Variants in RANBP17 observed in about 807,000 individuals in gnomAD.
RANBP17 encodes ran-binding protein 17.
Under a neutral mutation model 141.2 loss-of-function variants are expected in RANBP17, and 158 were observed. That is an observed-to-expected ratio of 1.12 (90% CI 0.98 to 1.28). RANBP17 has a LOEUF of 1.28. Among genes scored for constraint, RANBP17 ranks in the 50% most tolerant of loss-of-function variants. The probability of loss-of-function intolerance (pLI) is 0.00; values close to 1 mark genes in which losing one functional copy is unlikely to be tolerated. For synonymous variants in RANBP17, 430 were observed against 450.0 expected, an observed-to-expected ratio of 0.96 and a Z score of 0.56; for missense variants, 1,438 against 1,290.7, an observed-to-expected ratio of 1.11 and a Z score of -1.75.
chr5:171,270,572 T>G (rs139814028), intron 25 of RANBP17, among the ~76,000 whole-genome samples: 1 of 152,112 alleles, frequency 6.6e-6, no homozygotes, highest in African/African-American at 2.4e-5. Context: ...TATGTGAAAT[T>G]TTTTCAGTTT....
chr5:171,110,534 C>G (rs987153994), intron 14 of RANBP17, among the ~76,000 whole-genome samples: 1 of 152,132 alleles, frequency 6.6e-6, no homozygotes, highest in Non-Finnish European at 1.5e-5. Context: ...ACTTTTCCCT[C>G]TACTCCTTCT....
chr5:171,026,382 C>T (rs1034354884), intron 14 of RANBP17, among the ~76,000 whole-genome samples: 2 of 152,164 alleles, frequency 1.3e-5, no homozygotes. Context: ...CCTAATTGAT[C>T]TTTCTCTATA....
intron 14 of RANBP17, among the ~76,000 whole-genome samples, chr5:171,088,075 T>C (rs1785835390): frequency 6.6e-6 from 1 of 151,960 alleles, no homozygotes; most frequent in Non-Finnish European, 1.5e-5. Flanking sequence ...GTCTTGACAT[T>C]TTGGCATGAT....
intron 14 of RANBP17, among the ~76,000 whole-genome samples, chr5:171,157,506 C>G (rs1758990802): frequency 6.6e-6 from 1 of 152,162 alleles, no homozygotes; most frequent in Non-Finnish European, 1.5e-5. Context: ...CAGTGATGAA[C>G]ATTGAAACTT....
At chr5:171,174,629 T>G (rs1377959963) in intron 16 of RANBP17, among the ~76,000 whole-genome samples, 2 of 152,284 alleles carry the variant, frequency 1.3e-5, no homozygotes, top group East Asian at 3.9e-4. Context: ...TACTCAAATT[T>G]GTAGCAGTTA....
intron 14 of RANBP17, among the ~76,000 whole-genome samples, chr5:171,074,221 C>A (rs1784784853): frequency 1.3e-5 from 2 of 152,096 alleles, no homozygotes; most frequent in African/African-American, 4.8e-5. Context: ...CCCACAATCC[C>A]AGCCTGATCA....
chr5:171,101,362 T>C (rs1050998689), intron 14 of RANBP17, among the ~76,000 whole-genome samples: 1 of 152,252 alleles, frequency 6.6e-6, no homozygotes, highest in South Asian at 2.1e-4. Flanking sequence ...TGCACTTCTT[T>C]GTCTTTGTTG....
At chr5:171,171,178 ATAAT>A in intron 15 of RANBP17, 24 bp from the exon 16 acceptor site, 1 of 1,271,970 alleles carries the variant, frequency 7.9e-7, no homozygotes, top group Non-Finnish European at 1.1e-6. Context: ...TATCTTACTT[ATAAT>A]TAAAGACTTT....
chr5:171,130,524 CCT>C (rs1756836428), intron 14 of RANBP17, among the ~76,000 whole-genome samples: 1 of 146,520 alleles, frequency 6.8e-6, no homozygotes, highest in African/African-American at 2.5e-5. Context: ...ACAACCTCCT[CCT>C]CTGGGGTTCA....
At chr5:170,943,813 A>G (rs185496455) in intron 12 of RANBP17, among the ~76,000 whole-genome samples, 35 of 152,294 alleles carry the variant, frequency 2.3e-4, no homozygotes, top group African/African-American at 7.9e-4. Context: ...ACGTAGCGAA[A>G]TGACTACTAC....
At chr5:171,256,125 C>A (rs188386200) in intron 24 of RANBP17, among the ~76,000 whole-genome samples, 1 of 152,254 alleles carries the variant, frequency 6.6e-6, no homozygotes, top group Non-Finnish European at 1.5e-5. Flanking sequence ...TTGATACTTT[C>A]TTTAAAAACA....
At chr5:171,167,837 G>A (rs571152318) in intron 14 of RANBP17, among the ~76,000 whole-genome samples, 6 of 152,168 alleles carry the variant, frequency 3.9e-5, no homozygotes, top group Admixed American at 3.3e-4. Flanking sequence ...AAAGACAATT[G>A]CTATAATCAG....
At chr5:171,015,970 G>A (rs1780397183) in intron 14 of RANBP17, among the ~76,000 whole-genome samples, 1 of 152,078 alleles carries the variant, frequency 6.6e-6, no homozygotes, top group Non-Finnish European at 1.5e-5. Context: ...TCACATGCAT[G>A]TGTTGATTGA....
At chr5:171,108,909 T>C (rs1156477614) in intron 14 of RANBP17, among the ~76,000 whole-genome samples, 3 of 152,156 alleles carry the variant, frequency 2.0e-5, no homozygotes, top group African/African-American at 7.2e-5. Context: ...TGGCAAACTT[T>C]ATTAAAAAAC....
chr5:170,989,406 G>A lies in RANBP17; in HGVS notation c.1710+21029G>A, dbSNP rs1037401124. On this transcript the variant is annotated intron_variant, in intron 14 of 27. Transcript: ENST00000523189. ...TACAAGTTTGTAATCGAAATATTGC[G>A]AAAAGAATTTTAGGTTTCAAGATAG... 3.0e-4 allele frequency among the ~76,000 whole-genome samples: 45 copies of A among 151,674 alleles called. 1 individual carries two copies. The highest frequency in any genetic ancestry group is 6.6e-4 in the Admixed American group (10 of 15,192).
chr5:171,008,207 G>A lies in RANBP17; in HGVS notation c.1710+39830G>A, dbSNP rs561450096. On this transcript the variant is annotated intron_variant, in intron 14 of 27. Coordinates refer to ENST00000523189, the MANE Select transcript of RANBP17 (RefSeq NM_022897.5). ...CTGTACTAGAGAGGGAAAAGATCTG[G>A]AATTGGAAGGACAGGGAGATTGAAG... 2.0e-5 allele frequency among the ~76,000 whole-genome samples: 3 copies of A among 152,310 alleles called. No individual in the cohort carries two copies. The South Asian group carries it at 6.2e-4, about 32-fold the overall frequency.
At chr5:171,199,643 G>A (rs772229571) in intron 18 of RANBP17, 27 bp from the exon 19 acceptor site, 32 of 1,395,726 alleles carry the variant, frequency 2.3e-5, no homozygotes, top group Admixed American at 8.6e-5. Flanking sequence ...ATTTTAAACC[G>A]TAGTGACCCT....
intron 14 of RANBP17, among the ~76,000 whole-genome samples, chr5:171,124,737 C>T (rs571842460): frequency 6.6e-6 from 1 of 151,888 alleles, no homozygotes; most frequent in South Asian, 2.1e-4. Flanking sequence ...AGAAGGGAGT[C>T]AAACATCATC....
intron 25 of RANBP17, among the ~76,000 whole-genome samples, chr5:171,276,240 T>C (rs780257256): frequency 1.3e-5 from 2 of 152,246 alleles, no homozygotes; most frequent in Non-Finnish European, 2.9e-5. Context: ...CAGTACATCT[T>C]TTTGAATAAG....
Sources: allele counts gnomAD v4.1 joint callset (sites outside exome capture counted in the v4.1 genomes callset), GRCh38; gene constraint gnomAD v4.1.1; transcripts MANE v1.5; gene names NCBI Gene and HGNC (gene_info 2026-07-23, HGNC 2026-07-21).